The following LRBA variants were observed in gnomAD, a reference collection of about 807,000 sequenced individuals.
LRBA encodes lipopolysaccharide-responsive and beige-like anchor protein.
In LRBA, 176 loss-of-function variants were observed where a neutral mutation model predicts 330.0. The ratio of observed to expected loss-of-function variants is 0.53; its 90% CI spans 0.47 to 0.60. LRBA has a LOEUF of 0.60. LRBA is among the 20% of genes least tolerant of loss of function. The probability of loss-of-function intolerance (pLI) is 0.00; values close to 1 mark genes in which losing one functional copy is unlikely to be tolerated. For synonymous variants in LRBA, 1,230 were observed against 1,193.0 expected (o/e 1.03, Z -0.64); for missense variants, 3,259 against 3,444.8 (o/e 0.95, Z 1.35).
chr4:150,440,007 A>G (rs975981841), intron 44 of LRBA, among the ~76,000 whole-genome samples: 4 of 152,322 alleles, frequency 2.6e-5, no homozygotes, highest in African/African-American at 9.6e-5. Context: ...TCTGCAAAAG[A>G]ACTAAAAGTA....
At position 151,014,769 on chromosome 4, in the gene LRBA, G is replaced by A. The variant is rs1197585161; in HGVS notation, c.-127C>T. ...TTCCAACTTGTGGAGATACCCCAAA[G>A]CAGTTGATGTGGAAAGTCCTTGGCG... is the stretch of plus-strand genomic sequence containing the variant. On this transcript the variant is annotated 5_prime_UTR_variant, in exon 2 of 57. Transcript: ENST00000651943. 3.2e-6 allele frequency: 2 copies of A among 629,804 alleles called. No individual in the cohort carries two copies. The highest frequency in any genetic ancestry group is 3.7e-5 in the African/African-American group (2 of 54,344). The allele number at this position is 629,804 out of a possible 1,614,324, so 39.0% of individuals were successfully genotyped here.
At chr4:150,692,917 A>T (rs1441507435) in intron 36 of LRBA, among the ~76,000 whole-genome samples, 2 of 152,344 alleles carry the variant, frequency 1.3e-5, no homozygotes, top group East Asian at 3.9e-4. Flanking sequence ...TTTGTAATCA[A>T]GTAATTCCAC....
intron 37 of LRBA, among the ~76,000 whole-genome samples, chr4:150,603,244 C>A (rs886448911): frequency 1.3e-5 from 2 of 152,102 alleles, no homozygotes; most frequent in Admixed American, 1.3e-4. Flanking sequence ...ATGGATGGCA[C>A]TGAAGTTAAA....
At chr4:150,535,333 T>A (rs1385671142) in intron 40 of LRBA, among the ~76,000 whole-genome samples, 1 of 152,134 alleles carries the variant, frequency 6.6e-6, no homozygotes, top group East Asian at 1.9e-4. Context: ...AGATGGGGTC[T>A]CACTATGTTG....
chr4:150,495,076 A>G (rs1440488527), intron 40 of LRBA, among the ~76,000 whole-genome samples: 1 of 152,098 alleles, frequency 6.6e-6, no homozygotes, highest in Admixed American at 6.6e-5. Flanking sequence ...ACACTTTGCC[A>G]TATTATTCTA....
At chr4:150,886,471 G>A (rs763453422) in intron 17 of LRBA, among the ~76,000 whole-genome samples, 2 of 152,274 alleles carry the variant, frequency 1.3e-5, no homozygotes, top group Non-Finnish European at 2.9e-5. Flanking sequence ...AATCAGAATA[G>A]ACACCTTTCT....
intron 37 of LRBA, among the ~76,000 whole-genome samples, chr4:150,609,793 G>A (rs1300757470): frequency 6.6e-6 from 1 of 152,176 alleles, no homozygotes; most frequent in Non-Finnish European, 1.5e-5. Context: ...ACTTAAGCAT[G>A]TTTGCAGAAG....
At chr4:150,606,442 A>G (rs113441149) in intron 37 of LRBA, among the ~76,000 whole-genome samples, 1,589 of 152,234 alleles carry the variant, frequency 0.01, 37 homozygotes, top group African/African-American at 0.036. Flanking sequence ...TTGAGTGCCA[A>G]CTATGTACCA....
chr4:150,942,801 A>C lies in LRBA; in HGVS notation c.217-13736T>G, dbSNP rs118062556. On this transcript the variant is annotated intron_variant, in intron 2 of 56. Coordinates refer to ENST00000651943, the MANE Select transcript of LRBA (RefSeq NM_001364905.1). Reference sequence around the variant, plus strand: ...TGTGTCCATTCATAGCCAAGACTACAAATCAGACTATCTGACTCATAGTCT... The same window carrying C: ...TGTGTCCATTCATAGCCAAGACTACCAATCAGACTATCTGACTCATAGTCT... 6.6e-5 allele frequency among the ~76,000 whole-genome samples: 10 copies of C among 152,318 alleles called. No individual in the cohort carries two copies. In the East Asian group the frequency reaches 1.7e-3, roughly 26 times the overall value.
chr4:150,493,867 C>G (rs748181538), intron 40 of LRBA, among the ~76,000 whole-genome samples: 2 of 152,204 alleles, frequency 1.3e-5, no homozygotes, highest in Non-Finnish European at 2.9e-5. Context: ...CTTTGGGAGG[C>G]CAAGATGGGA....
chr4:150,806,493 T>C (rs1742812661), intron 32 of LRBA, 89 bp from the exon 33 acceptor site: 5 of 707,306 alleles, frequency 7.1e-6, no homozygotes, highest in Non-Finnish European at 8.0e-6. Flanking sequence ...TCCATATATA[T>C]ATATAATTAT....
intron 2 of LRBA, among the ~76,000 whole-genome samples, chr4:150,953,364 C>T: frequency 7.1e-6 from 1 of 140,968 alleles, no homozygotes; most frequent in African/African-American, 2.6e-5. Context: ...TCCCTCTCTC[C>T]CTCCCCCTCC....
At chr4:150,315,515 C>G (rs2126899586) in intron 51 of LRBA, 46 bp downstream of exon 51, 1 of 1,475,816 alleles carries the variant, frequency 6.8e-7, no homozygotes, top group East Asian at 2.3e-5. Flanking sequence ...TTCAGGGCCA[C>G]CATACAGAGC....
chr4:150,761,783 C>A lies in LRBA; in HGVS notation c.5645G>T (p.Arg1882Met). Residue 1882 changes from arginine to methionine, a missense_variant and splice_region_variant, in exon 35 of 57, where the codon AGG becomes ATG. By Grantham distance (91) the Arg-to-Met change is moderately conservative. Transcript: ENST00000651943. ...LAFIELVNEG[R>M]LLSQTMKDHL... is the part of the protein sequence containing the mutation. ...AATGAATTAAAATAAAATAAATTACCTTCCTTCATTGACAAGTTCGATAAA... is the reference window on the plus strand; with the variant it reads ...AATGAATTAAAATAAAATAAATTACATTCCTTCATTGACAAGTTCGATAAA... 6.6e-7 allele frequency: 1 copy of A among 1,520,766 alleles called. No homozygotes were observed. Among genetic ancestry groups the A allele is most frequent in the Non-Finnish European group, 8.9e-7 (1 of 1,129,352 alleles). The allele number at this position is 1,520,766 out of a possible 1,614,324, so 94.2% of individuals were successfully genotyped here.
In LRBA at chr4:150,550,324, A is replaced by G. The variant is rs1450663243; in HGVS notation, c.6330+37724T>C. Among the ~76,000 whole-genome samples the G allele has an allele frequency of 5.3e-5, 8 of 152,268 alleles. No homozygotes were observed. The East Asian group carries it at 1.5e-3, about 29-fold the overall frequency. On this transcript the variant is annotated intron_variant, in intron 40 of 56. Transcript: ENST00000651943. ...AAACAACACCCCAAAACAACCTCAT[A>G]CTAAAGGATTATTGAATTTTACATT...
chr4:150,727,498 C>G (rs200910033), intron 36 of LRBA, among the ~76,000 whole-genome samples: 1 of 152,062 alleles, frequency 6.6e-6, no homozygotes, highest in East Asian at 1.9e-4. Flanking sequence ...ACTCAAAAAA[C>G]CTGAAATATC....
chr4:150,346,757 C>CAAAAAAAAAAAA lies in LRBA; in HGVS notation c.7362+3223_7362+3234dup, dbSNP rs57119340. 2.9e-4 allele frequency among the ~76,000 whole-genome samples: 19 copies of CAAAAAAAAAAAA among 66,152 alleles called. 1 individual carries two copies. The highest frequency in any genetic ancestry group is 1.3e-3 in the African/African-American group (17 of 12,892). The allele number at this position is 66,152 out of a possible 152,430, so 43.4% of individuals were successfully genotyped here. A position where few individuals can be genotyped will look rare whatever the true frequency, so the allele number is the denominator to read the frequency against. ...CTGGCAACAATGTGAGACTCTGTCT[C>CAAAAAAAAAAAA]AAAAAAAAAAAAAAAAAAAAAAAAA... On this transcript the variant is annotated intron_variant, in intron 48 of 56. Coordinates refer to ENST00000651943, the MANE Select transcript of LRBA (RefSeq NM_001364905.1).
chr4:150,396,771 T>C (rs371905817), intron 47 of LRBA, among the ~76,000 whole-genome samples: 1 of 152,192 alleles, frequency 6.6e-6, no homozygotes, highest in Non-Finnish European at 1.5e-5. Context: ...AATAAACTTA[T>C]AGTCTAGAAA....
intron 31 of LRBA, among the ~76,000 whole-genome samples, chr4:150,815,386 A>C (rs1455363826): frequency 1.3e-5 from 2 of 150,966 alleles, no homozygotes; most frequent in African/African-American, 4.9e-5. Context: ...AGTATAATGG[A>C]ACAATAAAGA....
Sources: allele counts gnomAD v4.1 joint callset (sites outside exome capture counted in the v4.1 genomes callset), GRCh38; gene constraint gnomAD v4.1.1; transcripts MANE v1.5; gene names NCBI Gene and HGNC (gene_info 2026-07-23, HGNC 2026-07-21).